Variants in GLTP observed in about 807,000 individuals in gnomAD.
The protein encoded by GLTP is glycolipid transfer protein.
GLTP carries 22 observed loss-of-function variants against 24.0 expected under a neutral mutation model. The ratio of observed to expected loss-of-function variants is 0.92; its 90% CI spans 0.65 to 1.31. GLTP has a LOEUF of 1.31. GLTP is among the 50% of genes most tolerant of loss of function. GLTP has a pLI of 0.00. For synonymous variants in GLTP, 92 were observed against 115.9 expected (o/e 0.79, Z 1.33); for missense variants, 224 against 276.6 (o/e 0.81, Z 1.35).
chr12:109,871,119 G>A (rs940063627), intron 1 of GLTP, among the ~76,000 whole-genome samples: 5 of 123,594 alleles, frequency 4.0e-5, no homozygotes, highest in African/African-American at 1.3e-4. Context: ...ACGGACTCTC[G>A]CTCTGTCCCA....
chr12:109,871,046 A>G (rs1868703366), intron 1 of GLTP, among the ~76,000 whole-genome samples: 1 of 152,026 alleles, frequency 6.6e-6, no homozygotes, highest in Non-Finnish European at 1.5e-5. Flanking sequence ...TTACTGAAAC[A>G]ATGAAACCTA....
Position 109,852,612 on chromosome 12 carries a change from G to A in GLTP, c.573C>T (p.Ile191=), listed in dbSNP as rs765353873. Residue 191 remains isoleucine, a synonymous_variant, in exon 5 of 5, where the codon ATC becomes ATT. Transcript: ENST00000318348. ...RLFLVNYTAT[I]DVIYEMYTQM... is the part of the protein sequence containing the mutation. ...GGGTGTACATCTCGTAGATGACATC[G>A]ATGGTCGCCGTGTAGTTGACTAGGA... 5.0e-6 allele frequency: 8 copies of A among 1,607,828 alleles called. No homozygotes were observed. The highest frequency in any genetic ancestry group is 2.2e-5 in the South Asian group (2 of 90,920).
intron 4 of GLTP, 31 bp from the exon 5 acceptor site, chr12:109,852,768 A>G (rs777382845): frequency 9.9e-6 from 15 of 1,522,012 alleles, no homozygotes; most frequent in African/African-American, 1.4e-5. Context: ...AGGTAGGCAC[A>G]GCGTTAGCGG....
intron 1 of GLTP, among the ~76,000 whole-genome samples, chr12:109,862,601 T>C (rs1464551954): frequency 6.6e-6 from 1 of 152,140 alleles, no homozygotes; most frequent in Admixed American, 6.5e-5. Flanking sequence ...AAATGTATAA[T>C]GAGCTGGACG....
At chr12:109,854,443 TA>T (rs1565896689) in intron 4 of GLTP, among the ~76,000 whole-genome samples, 4 of 151,918 alleles carry the variant, frequency 2.6e-5, no homozygotes, top group African/African-American at 7.3e-5. Flanking sequence ...AAGCACTTTA[TA>T]GTGATTAATT....
intron 1 of GLTP, among the ~76,000 whole-genome samples, chr12:109,871,081 CTTT>C (rs965998479): frequency 8.7e-6 from 1 of 114,432 alleles, no homozygotes; most frequent in Non-Finnish European, 1.8e-5. Context: ...CATTTCCATT[CTTT>C]TTTTTTTTTT....
intron 1 of GLTP, among the ~76,000 whole-genome samples, chr12:109,875,835 C>G (rs1451590198): frequency 1.3e-5 from 2 of 152,222 alleles, no homozygotes; most frequent in African/African-American, 4.8e-5. Context: ...ACAAACCACA[C>G]CTAACAAAGG....
intron 1 of GLTP, among the ~76,000 whole-genome samples, chr12:109,864,190 C>T (rs1459528228): frequency 6.6e-6 from 1 of 152,054 alleles, no homozygotes; most frequent in African/African-American, 2.4e-5. Flanking sequence ...AGAGGGGAGG[C>T]GAGGCAGGGG....
chr12:109,858,700 T>C lies in GLTP; in HGVS notation c.145A>G (p.Ile49Val). 6.2e-7 allele frequency: 1 copy of C among 1,613,294 alleles called. No individual in the cohort carries two copies. Among genetic ancestry groups the C allele is most frequent in the Non-Finnish European group, 8.5e-7 (1 of 1,179,234 alleles). ...SPVFTPIKAD[I>V]SGNITKIKAV... Reference sequence around the variant, plus strand: ...GTACATACCGTGATGTTGCCGCTTATGTCTGCCTTGATGGGAGTAAACACT... The same window carrying C: ...GTACATACCGTGATGTTGCCGCTTACGTCTGCCTTGATGGGAGTAAACACT... The change falls in exon 2 of 5, where the codon ATA becomes GTA. Residue 49 changes from isoleucine (I) to valine (V), a missense_variant. Physicochemically the swap from Ile to Val is conservative, Grantham distance 29 (BLOSUM62 3). Transcript: ENST00000318348.
chr12:109,866,550 T>G (rs1368401272), intron 1 of GLTP: 2 of 152,200 alleles, frequency 1.3e-5, no homozygotes, highest in African/African-American at 4.8e-5. Context: ...AGTTCAGCCA[T>G]CCTGGATGGA....
intron 1 of GLTP, among the ~76,000 whole-genome samples, chr12:109,871,911 TC>T (rs1351028843): frequency 6.6e-6 from 1 of 152,170 alleles, no homozygotes; most frequent in African/African-American, 2.4e-5. Flanking sequence ...TGGAGGGCTG[TC>T]CCTCCAAGCA....
rs1193965426 is a variant in GLTP, at chr12:109,855,478, C to T, written c.447+141G>A. On this transcript the variant is annotated intron_variant, in intron 4 of 4. Transcript: ENST00000318348. The surrounding 1 kb of genome is among the most constrained non-coding windows in gnomAD (Gnocchi z 4.1). ...GGACCTCTCAGTACACTAGCCTCAC[C>T]CAAATAGATGAGGGAGCCCTTCCTG... The T allele has an allele frequency of 1.5e-6, 1 of 671,770 alleles. No homozygotes were observed. Among genetic ancestry groups the T allele is most frequent in the African/African-American group, 1.8e-5 (1 of 54,616 alleles). The allele number at this position is 671,770 out of a possible 1,614,324, so 41.6% of individuals were successfully genotyped here. A position where few individuals can be genotyped will look rare whatever the true frequency, so the allele number is the denominator to read the frequency against.
At position 109,857,478 on chromosome 12, in the gene GLTP, CCCT is replaced by C. The variant is rs1256450060; in HGVS notation, c.296+45_296+47del. ...TGCGGAACAGTGACAGGTTTGCTTT[CCCT>C]CCTCTGCAGCACAGAGCCCAGGCCC... On this transcript the variant is annotated intron_variant, in intron 3 of 4. Coordinates refer to ENST00000318348, the MANE Select transcript of GLTP (RefSeq NM_016433.4). This position sits in a 1 kb window ranked among gnomAD's most constrained non-coding sequence, Gnocchi z 4.3. 41 of 1,602,364 alleles carry C rather than the reference CCCT, an allele frequency of 2.6e-5. No individual in the cohort carries two copies. The highest frequency in any genetic ancestry group is 3.5e-5 in the Non-Finnish European group (41 of 1,173,350).
intron 1 of GLTP, among the ~76,000 whole-genome samples, chr12:109,867,379 G>A (rs1430843049): frequency 6.6e-6 from 1 of 152,016 alleles, no homozygotes; most frequent in African/African-American, 2.4e-5. Context: ...AAACTCCTGA[G>A]CTCAAGCGAT....
chr12:109,875,996 C>G lies in GLTP; in HGVS notation c.103+4276G>C, dbSNP rs77028715. 6.5e-4 allele frequency among the ~76,000 whole-genome samples: 99 copies of G among 152,336 alleles called. 1 individual carries two copies. The East Asian group carries it at 0.018, about 28-fold the overall frequency. On this transcript the variant is annotated intron_variant, in intron 1 of 4. Coordinates refer to ENST00000318348, the MANE Select transcript of GLTP (RefSeq NM_016433.4). The stretch of plus-strand genomic sequence containing the variant: ...GTCTACCAGAGCCCGACATAAGAAG[C>G]AATGTGAATGTCCAACAGTAGGGGC...
At chr12:109,853,690 A>C (rs1044596280) in intron 4 of GLTP, among the ~76,000 whole-genome samples, 24 of 151,252 alleles carry the variant, frequency 1.6e-4, no homozygotes, top group Non-Finnish European at 2.7e-4. Flanking sequence ...TCCGTTTCAA[A>C]AAAAAAAAAA....
At chr12:109,872,398 C>T (rs780787053) in intron 1 of GLTP, among the ~76,000 whole-genome samples, 21 of 152,180 alleles carry the variant, frequency 1.4e-4, no homozygotes, top group Non-Finnish European at 2.5e-4. Context: ...TGCCAGTCTC[C>T]GTGTTTCCTT....
intron 1 of GLTP, among the ~76,000 whole-genome samples, chr12:109,874,275 G>A (rs897765569): frequency 3.9e-5 from 6 of 152,068 alleles, no homozygotes; most frequent in Admixed American, 2.0e-4. Flanking sequence ...CTCTGGCCTC[G>A]GTTTCTTTGG....
rs559639497 is a variant in GLTP, at chr12:109,851,179, G to A, written c.*1376C>T. The A allele has an allele frequency of 6.6e-6, 1 of 152,540 alleles. No homozygotes were observed. The highest frequency in any genetic ancestry group is 1.5e-5 in the Non-Finnish European group (1 of 68,026). The allele number at this position is 152,540 out of a possible 1,614,324, so 9.4% of individuals were successfully genotyped here. A position where few individuals can be genotyped will look rare whatever the true frequency, so the allele number is the denominator to read the frequency against. ...GCAGCTGAAGGGTTCATCTCTCCCCGTCAAGAGAATACACACGGTAGGTAG... is the reference window on the plus strand; with the variant it reads ...GCAGCTGAAGGGTTCATCTCTCCCCATCAAGAGAATACACACGGTAGGTAG... On this transcript the variant is annotated 3_prime_UTR_variant, in exon 5 of 5. Transcript: ENST00000318348.
Sources: gnomAD v4.1 joint callset for allele counts (sites outside exome capture counted in the v4.1 genomes callset) on GRCh38, gnomAD v4.1.1 for gene constraint, Gnocchi (gnomAD v3.1) non-coding constraint, MANE v1.5 for transcripts, NCBI Gene and HGNC (gene_info 2026-07-23, HGNC 2026-07-21) for gene names.